The following MAML3 variants were observed in gnomAD, a reference collection of about 807,000 sequenced individuals.
The protein encoded by MAML3 is mastermind like transcriptional coactivator 3.
In MAML3, 27 loss-of-function variants were observed where a neutral mutation model predicts 101.9. The observed-to-expected ratio is 0.27, with a 90% CI of 0.20 to 0.37. The LOEUF is 0.37. Ranked by LOEUF, MAML3 falls within the 10% of genes least tolerant of loss-of-function variation. The pLI is 1.00. For synonymous variants in MAML3, 501 were observed against 555.9 expected, an observed-to-expected ratio of 0.90 and a Z score of 1.39; for missense variants, 1,316 against 1,444.9, an observed-to-expected ratio of 0.91 and a Z score of 1.45.
chr4:139,918,398 C>T (rs940054295), intron 1 of MAML3, among the ~76,000 whole-genome samples: 4 of 152,158 alleles, frequency 2.6e-5, no homozygotes, highest in Admixed American at 1.3e-4. Flanking sequence ...TGCATCTGCA[C>T]CGGTGCTTCT....
intron 2 of MAML3, among the ~76,000 whole-genome samples, chr4:139,868,014 G>C (rs1208329306): frequency 6.6e-6 from 1 of 152,222 alleles, no homozygotes; most frequent in Admixed American, 6.5e-5. Flanking sequence ...AGTCCAATCT[G>C]TCAAGCATTT....
At chr4:140,006,543 G>A (rs913410952) in intron 1 of MAML3, among the ~76,000 whole-genome samples, 14 of 143,308 alleles carry the variant, frequency 9.8e-5, no homozygotes, top group South Asian at 2.2e-4. Context: ...CCGAGATGGC[G>A]CCGCTGCACG....
intron 2 of MAML3, among the ~76,000 whole-genome samples, chr4:139,866,323 G>A (rs1047075441): frequency 5.3e-5 from 8 of 152,188 alleles, no homozygotes; most frequent in African/African-American, 1.7e-4. Context: ...CTCACCCAGC[G>A]ATTTTCCTGC....
chr4:140,028,484 C>T (rs77754862), intron 1 of MAML3, among the ~76,000 whole-genome samples: 2,318 of 152,180 alleles, frequency 0.015, 15 homozygotes, highest in Admixed American at 0.015. Context: ...CATTATTCTT[C>T]GTGATTCCAA....
intron 2 of MAML3, among the ~76,000 whole-genome samples, chr4:139,854,941 C>T (rs974381323): frequency 2.0e-5 from 3 of 152,192 alleles, no homozygotes; most frequent in Non-Finnish European, 4.4e-5. Flanking sequence ...CTCAACTCCC[C>T]GCCACAGCCT....
At chr4:140,126,074 C>CCAAG (rs1348112094) in intron 1 of MAML3, among the ~76,000 whole-genome samples, 1 of 151,312 alleles carries the variant, frequency 6.6e-6, no homozygotes, top group Non-Finnish European at 1.5e-5. Flanking sequence ...CCGCGCCTGG[C>CCAAG]CAAGGTACAG....
chr4:139,903,479 A>C (rs1732765103), intron 1 of MAML3, among the ~76,000 whole-genome samples: 1 of 152,244 alleles, frequency 6.6e-6, no homozygotes, highest in Non-Finnish European at 1.5e-5. Context: ...GTCTACGTCC[A>C]GTCTAGGGAT....
Position 139,940,748 on chromosome 4 carries a change from A to G in MAML3, c.469-49781T>C, listed in dbSNP as rs1733584287. ...TAATTTGATGTGGATGCCATTACTT[A>G]TCCCTCTTCACATACACAACATGAT... On this transcript the variant is annotated intron_variant, in intron 1 of 4. Coordinates refer to ENST00000509479, the MANE Select transcript of MAML3 (RefSeq NM_018717.5). Among the ~76,000 whole-genome samples the G allele has an allele frequency of 1.3e-5, 2 of 152,142 alleles. 1 individual carries two copies. The highest frequency in any genetic ancestry group is 4.1e-4 in the South Asian group (2 of 4,822).
chr4:139,797,682 T>C (rs1478871315), intron 2 of MAML3, among the ~76,000 whole-genome samples: 2 of 152,004 alleles, frequency 1.3e-5, no homozygotes, highest in Non-Finnish European at 2.9e-5. Flanking sequence ...TGATGTTTGG[T>C]TGGAACTTGC....
At chr4:140,023,905 T>G (rs1419804404) in intron 1 of MAML3, among the ~76,000 whole-genome samples, 1 of 152,242 alleles carries the variant, frequency 6.6e-6, no homozygotes, top group Non-Finnish European at 1.5e-5. Flanking sequence ...TTTACTTTTA[T>G]TTACATATTA....
intron 2 of MAML3, among the ~76,000 whole-genome samples, chr4:139,760,274 G>C (rs754554247): frequency 2.0e-5 from 3 of 152,206 alleles, no homozygotes; most frequent in Non-Finnish European, 4.4e-5. Context: ...GCTGAAAGTT[G>C]AGCAGAAACT....
At chr4:139,778,064 C>T (rs1025771336) in intron 2 of MAML3, among the ~76,000 whole-genome samples, 1 of 152,226 alleles carries the variant, frequency 6.6e-6, no homozygotes, top group Non-Finnish European at 1.5e-5. Flanking sequence ...AGAGTGAGAA[C>T]TTTATCCACC....
At chr4:140,043,767 T>C (rs1432493785) in intron 1 of MAML3, among the ~76,000 whole-genome samples, 1 of 152,166 alleles carries the variant, frequency 6.6e-6, no homozygotes, top group Non-Finnish European at 1.5e-5. Flanking sequence ...TTTAAAATAG[T>C]CTATTGTGAC....
intron 1 of MAML3, among the ~76,000 whole-genome samples, chr4:140,123,973 C>T (rs1423463168): frequency 6.6e-6 from 1 of 152,144 alleles, no homozygotes; most frequent in South Asian, 2.1e-4. Flanking sequence ...AACCCCAAAG[C>T]GACTAAGGCT....
chr4:139,983,758 T>TC (rs747762778), intron 1 of MAML3, among the ~76,000 whole-genome samples: 5 of 152,074 alleles, frequency 3.3e-5, no homozygotes, highest in Non-Finnish European at 7.4e-5. Context: ...AAAATATCAT[T>TC]TGGAAAGTGA....
chr4:140,053,005 C>T (rs529295934), intron 1 of MAML3, among the ~76,000 whole-genome samples: 2 of 152,238 alleles, frequency 1.3e-5, no homozygotes, highest in South Asian at 4.2e-4. Flanking sequence ...TCCAGTATCA[C>T]CCTAACAGAC....
chr4:139,948,399 C>A (rs983590937), intron 1 of MAML3, among the ~76,000 whole-genome samples: 1 of 152,198 alleles, frequency 6.6e-6, no homozygotes, highest in Non-Finnish European at 1.5e-5. Flanking sequence ...GGCAATTAGA[C>A]CATGGCCATT....
intron 1 of MAML3, among the ~76,000 whole-genome samples, chr4:140,023,025 C>T (rs1353425566): frequency 6.6e-6 from 1 of 152,044 alleles, no homozygotes; most frequent in East Asian, 1.9e-4. Context: ...CATAATAATC[C>T]CCCTTTTAAG....
intron 1 of MAML3, among the ~76,000 whole-genome samples, chr4:140,049,791 C>G (rs184531516): frequency 7.2e-5 from 11 of 151,790 alleles, no homozygotes; most frequent in African/African-American, 2.4e-4. Context: ...TGAGTTTACT[C>G]GGTTTTACTT....
Sources: gnomAD v4.1 joint callset for allele counts (sites outside exome capture counted in the v4.1 genomes callset) on GRCh38, gnomAD v4.1.1 for gene constraint, MANE v1.5 for transcripts, NCBI Gene and HGNC (gene_info 2026-07-23, HGNC 2026-07-21) for gene names.